HMGB1: variants seen among roughly 807,000 people sequenced by gnomAD.
The protein encoded by HMGB1 is high mobility group protein B1.
For synonymous variants in HMGB1, 81 were observed against 84.0 expected (o/e 0.96, Z 0.19); for missense variants, 79 against 253.5 (o/e 0.31, Z 4.67).
At chr13:30,508,379 G>T (rs1887916715) in intron 1 of HMGB1, among the ~76,000 whole-genome samples, 1 of 152,070 alleles carries the variant, frequency 6.6e-6, no homozygotes, top group South Asian at 2.1e-4. Context: ...GGGCGTGGGG[G>T]TGTATGCCTG....
intron 1 of HMGB1, among the ~76,000 whole-genome samples, chr13:30,509,923 T>C (rs1186470920): frequency 6.6e-6 from 1 of 152,240 alleles, no homozygotes; most frequent in Non-Finnish European, 1.5e-5. Context: ...TTTTAACTCT[T>C]ACCTATAGGC....
At chr13:30,558,062 A>G (rs964201171) in intron 1 of HMGB1, among the ~76,000 whole-genome samples, 21 of 152,150 alleles carry the variant, frequency 1.4e-4, no homozygotes, top group African/African-American at 5.1e-4. Flanking sequence ...GCAGCATACA[A>G]CTTCCAAAAA....
intron 1 of HMGB1, among the ~76,000 whole-genome samples, chr13:30,577,788 T>C (rs745483148): frequency 6.6e-5 from 10 of 152,240 alleles, no homozygotes; most frequent in Non-Finnish European, 1.5e-4. Flanking sequence ...TGGCACATTA[T>C]AAGCATTCAA....
chr13:30,556,761 A>C (rs1869709259), intron 1 of HMGB1, among the ~76,000 whole-genome samples: 1 of 152,228 alleles, frequency 6.6e-6, no homozygotes, highest in Non-Finnish European at 1.5e-5. Flanking sequence ...CTGGGACGAG[A>C]GTGACAGAGA....
intron 1 of HMGB1, among the ~76,000 whole-genome samples, chr13:30,514,239 G>T (rs1335821219): frequency 6.6e-6 from 1 of 151,722 alleles, no homozygotes; most frequent in East Asian, 2.0e-4. Flanking sequence ...GCAATGGCTA[G>T]CATTGATTGA....
chr13:30,502,758 C>A (rs962910147), intron 1 of HMGB1, among the ~76,000 whole-genome samples: 1 of 151,882 alleles, frequency 6.6e-6, no homozygotes, highest in Non-Finnish European at 1.5e-5. Context: ...TCACTGCAAC[C>A]TCTGCCTCCT....
At chr13:30,588,981 T>G (rs550380629) in intron 1 of HMGB1, among the ~76,000 whole-genome samples, 3 of 151,862 alleles carry the variant, frequency 2.0e-5, no homozygotes, top group South Asian at 2.1e-4. Context: ...GGCCTCTAAT[T>G]GTAAAGCTGA....
In HMGB1 at chr13:30,508,129, A is replaced by G. The variant is rs181747452; in HGVS notation, c.-14-44435T>C. On this transcript the variant is annotated intron_variant, in intron 1 of 4. Coordinates refer to the HMGB1 transcript ENST00000405805. The stretch of plus-strand genomic sequence containing the variant: ...GTATAAATATGTTCCTTATTTCCCC[A>G]GGCAGGTTCTAATTCATGGAGTTAG... Among the ~76,000 whole-genome samples, 120 of 152,354 alleles carry G rather than the reference A, an allele frequency of 7.9e-4. 1 individual carries two copies. Among genetic ancestry groups the G allele is most frequent in the Middle Eastern group, 3.4e-3 (1 of 294 alleles).
chr13:30,518,536 T>C (rs1208063965), intron 1 of HMGB1, among the ~76,000 whole-genome samples: 1 of 152,170 alleles, frequency 6.6e-6, no homozygotes, highest in Non-Finnish European at 1.5e-5. Context: ...GAAAGTTATT[T>C]AATATTCCTT....
At chr13:30,572,307 GAC>G (rs1170973640) in intron 1 of HMGB1, among the ~76,000 whole-genome samples, 2 of 152,194 alleles carry the variant, frequency 1.3e-5, no homozygotes, top group East Asian at 3.8e-4. Flanking sequence ...AGCTCTCAGA[GAC>G]CGTTCAGTTA....
chr13:30,536,472 T>G (rs77386427), intron 1 of HMGB1, among the ~76,000 whole-genome samples: 1 of 151,996 alleles, frequency 6.6e-6, no homozygotes, highest in African/African-American at 2.4e-5. Context: ...GCTTCAGCCT[T>G]GAGAGTAGCT....
chr13:30,498,047 G>T (rs1593276315), intron 1 of HMGB1, among the ~76,000 whole-genome samples: 1 of 152,196 alleles, frequency 6.6e-6, no homozygotes, highest in East Asian at 1.9e-4. Context: ...GCTTTCCACA[G>T]TGGCTGGACT....
intron 1 of HMGB1, among the ~76,000 whole-genome samples, chr13:30,508,849 C>T (rs1424579741): frequency 1.3e-5 from 2 of 152,176 alleles, no homozygotes; most frequent in Non-Finnish European, 2.9e-5. Context: ...ACAGCACCAC[C>T]GTTCTGCCTT....
At chr13:30,534,936 A>G (rs1294916725) in intron 1 of HMGB1, among the ~76,000 whole-genome samples, 1 of 152,158 alleles carries the variant, frequency 6.6e-6, no homozygotes, top group Non-Finnish European at 1.5e-5. Flanking sequence ...CACCTTCTAG[A>G]TTAGCATTTT....
chr13:30,550,785 T>C (rs1308626114), intron 1 of HMGB1, among the ~76,000 whole-genome samples: 2 of 152,218 alleles, frequency 1.3e-5, no homozygotes, highest in Non-Finnish European at 2.9e-5. Context: ...GAAATATAAA[T>C]GTTTCCTACT....
At chr13:30,490,784 T>TA (rs530193977) in intron 1 of HMGB1, among the ~76,000 whole-genome samples, 11 of 149,678 alleles carry the variant, frequency 7.3e-5, no homozygotes, top group Admixed American at 6.7e-4. Context: ...CCCTGTCTCT[T>TA]AAAAAAAAAA....
intron 1 of HMGB1, among the ~76,000 whole-genome samples, chr13:30,613,832 A>G (rs1045460253): frequency 1.3e-5 from 2 of 152,174 alleles, no homozygotes; most frequent in Non-Finnish European, 2.9e-5. Flanking sequence ...ATATATTCAC[A>G]TATGTGGAGA....
At chr13:30,510,473 A>G (rs1887967234) in intron 1 of HMGB1, among the ~76,000 whole-genome samples, 1 of 152,228 alleles carries the variant, frequency 6.6e-6, no homozygotes, top group South Asian at 2.1e-4. Flanking sequence ...AAGAAAGGAT[A>G]AATCCCTCTG....
chr13:30,568,633 G>T (rs960597139), intron 1 of HMGB1, among the ~76,000 whole-genome samples: 1 of 152,184 alleles, frequency 6.6e-6, no homozygotes, highest in African/African-American at 2.4e-5. Context: ...AGAGGGAACT[G>T]TGAGACAGAC....
Sources: gnomAD v4.1 joint callset for allele counts (sites outside exome capture counted in the v4.1 genomes callset) on GRCh38, gnomAD v4.1.1 for gene constraint, MANE v1.5 for transcripts, NCBI Gene and HGNC (gene_info 2026-07-23, HGNC 2026-07-21) for gene names.